ANKDD1B: variants seen among roughly 807,000 people sequenced by gnomAD.
ANKDD1B encodes the protein ankyrin repeat and death domain containing 1B.
Under a neutral mutation model 59.7 loss-of-function variants are expected in ANKDD1B, and 57 were observed. The ratio of observed to expected loss-of-function variants is 0.95; its 90% CI spans 0.77 to 1.19. The LOEUF (loss-of-function observed/expected upper bound fraction) is 1.19, where lower values mean the gene tolerates loss of function less well. Among genes scored for constraint, ANKDD1B ranks in the 50% most tolerant of loss-of-function variants. The pLI, the probability that ANKDD1B is intolerant of heterozygous loss-of-function variation, is 0.00. For synonymous variants in ANKDD1B, 216 were observed against 239.5 expected, an observed-to-expected ratio of 0.90 and a Z score of 0.91; for missense variants, 602 against 641.9, an observed-to-expected ratio of 0.94 and a Z score of 0.67.
intron 5 of ANKDD1B, among the ~76,000 whole-genome samples, chr5:75,626,563 G>A (rs959138554): frequency 2.0e-5 from 3 of 152,096 alleles, no homozygotes; most frequent in Non-Finnish European, 4.4e-5. Flanking sequence ...ATCCTATAAG[G>A]TAGAAAATAT....
At chr5:75,641,675 T>A (rs1774464748) in intron 7 of ANKDD1B, among the ~76,000 whole-genome samples, 1 of 152,236 alleles carries the variant, frequency 6.6e-6, no homozygotes, top group African/African-American at 2.4e-5. Flanking sequence ...ACAATTTCTT[T>A]TCAACAAGTA....
At chr5:75,614,396 A>G (rs930480447) in intron 1 of ANKDD1B, among the ~76,000 whole-genome samples, 1 of 152,202 alleles carries the variant, frequency 6.6e-6, no homozygotes, top group East Asian at 1.9e-4. Context: ...CCTTTGCTCC[A>G]GAGGAAGATA....
chr5:75,661,899 A>ATTTTTTTT (rs35120763), intron 10 of ANKDD1B, among the ~76,000 whole-genome samples: 2 of 92,802 alleles, frequency 2.2e-5, no homozygotes, highest in African/African-American at 4.1e-5. Context: ...GGCTCCCACA[A>ATTTTTTTT]TTTTTTTTTT....
chr5:75,641,677 C>G (rs1015725934), intron 7 of ANKDD1B, among the ~76,000 whole-genome samples: 2 of 152,126 alleles, frequency 1.3e-5, no homozygotes, highest in African/African-American at 4.8e-5. Flanking sequence ...AATTTCTTTT[C>G]AACAAGTACA....
intron 2 of ANKDD1B, among the ~76,000 whole-genome samples, chr5:75,618,723 T>C (rs1267222011): frequency 6.6e-6 from 1 of 152,182 alleles, no homozygotes; most frequent in East Asian, 1.9e-4. Flanking sequence ...GACAAAGTCA[T>C]AATAACTGAT....
chr5:75,625,689 C>G lies in ANKDD1B; in HGVS notation c.439C>G (p.Leu147Val). The G allele has an allele frequency of 6.5e-7, 1 of 1,536,466 alleles. No homozygotes were observed. The highest frequency in any genetic ancestry group is 1.2e-5 in the South Asian group (1 of 84,056). ...TCACCTTGCAGCCTGGTCTGGGAGCCTTGAGGTCATGCTCATGCTGGTTAA... is the reference window on the plus strand; with the variant it reads ...TCACCTTGCAGCCTGGTCTGGGAGCGTTGAGGTCATGCTCATGCTGGTTAA... ...VIHLAAWSGS[L>V]EVMLMLVKAG... is the part of the protein sequence containing the mutation. The change falls in exon 4 of 14, where the codon CTT (leucine) becomes GTT (valine). Residue 147 changes from leucine to valine, a missense_variant. By Grantham distance (32) the Leu-to-Val change is conservative. Transcript: ENST00000601380.
chr5:75,633,712 G>A (rs1774225677), intron 5 of ANKDD1B, among the ~76,000 whole-genome samples: 1 of 152,128 alleles, frequency 6.6e-6, no homozygotes, highest in Admixed American at 6.6e-5. Context: ...ATTTTCTGTG[G>A]ATCTGTTATA....
At chr5:75,617,044 G>A (rs116260214) in intron 2 of ANKDD1B, 137 bp downstream of exon 2, 65 of 502,310 alleles carry the variant, frequency 1.3e-4, no homozygotes, top group African/African-American at 5.0e-4. Context: ...TGGTAATCCC[G>A]GGGTGTTTAA....
chr5:75,655,984 G>T, intron 8 of ANKDD1B, 45 bp from the exon 9 acceptor site: 1 of 877,102 alleles, frequency 1.1e-6, no homozygotes, highest in South Asian at 1.5e-5. Context: ...TTTGAATGTT[G>T]AAGCCAGAAC....
chr5:75,621,575 G>A lies in ANKDD1B; in HGVS notation c.396+1162G>A, dbSNP rs377619548. ...TGGTGGCAGAGACAGAGTGGACTGT[G>A]CTTACTTCGTTTTAACAAAAACCAT... On this transcript the variant is annotated intron_variant, in intron 3 of 13. Coordinates refer to ENST00000601380, the MANE Select transcript of ANKDD1B (RefSeq NM_001276713.2). Among the ~76,000 whole-genome samples, 27 of 152,190 alleles carry A rather than the reference G, an allele frequency of 1.8e-4. No homozygotes were observed. In the East Asian group the frequency reaches 4.1e-3, roughly 23 times the overall value.
At chr5:75,656,843 C>T (rs939644001) in intron 9 of ANKDD1B, among the ~76,000 whole-genome samples, 3 of 152,186 alleles carry the variant, frequency 2.0e-5, no homozygotes, top group Non-Finnish European at 1.5e-5. Flanking sequence ...GGTGCCCTTC[C>T]GGCTAGGGAG....
At chr5:75,618,745 T>C (rs2112955413) in intron 2 of ANKDD1B, among the ~76,000 whole-genome samples, 1 of 151,936 alleles carries the variant, frequency 6.6e-6, no homozygotes, top group East Asian at 1.9e-4. Context: ...GGTTTTTTTG[T>C]TTTGTTTTGT....
chr5:75,619,922 A>G (rs1413534386), intron 2 of ANKDD1B, among the ~76,000 whole-genome samples: 4 of 152,166 alleles, frequency 2.6e-5, no homozygotes, highest in African/African-American at 9.7e-5. Flanking sequence ...ATCTAGGAAA[A>G]TTTCCGCTAT....
intron 7 of ANKDD1B, among the ~76,000 whole-genome samples, chr5:75,648,253 T>TAAAAAAAAAAATTA (rs1774699797): frequency 2.7e-5 from 1 of 37,294 alleles, no homozygotes; most frequent in Non-Finnish European, 5.3e-5. Context: ...AAAGTATAAT[T>TAAAAAAAAAAATTA]AAAAAAAAAA....
At chr5:75,631,817 A>G (rs1365093600) in intron 5 of ANKDD1B, among the ~76,000 whole-genome samples, 1 of 152,178 alleles carries the variant, frequency 6.6e-6, no homozygotes, top group East Asian at 1.9e-4. Flanking sequence ...TAAAAGACTC[A>G]CTGGTGGGCT....
intron 5 of ANKDD1B, among the ~76,000 whole-genome samples, chr5:75,626,497 C>G (rs1166482908): frequency 6.6e-6 from 1 of 152,196 alleles, no homozygotes; most frequent in African/African-American, 2.4e-5. Flanking sequence ...TGGCACCTAC[C>G]AATGCTCAAC....
At chr5:75,663,570 C>T (rs185737795) in intron 11 of ANKDD1B, 81 bp downstream of exon 11, 1 of 1,119,936 alleles carries the variant, frequency 8.9e-7, no homozygotes, top group East Asian at 2.6e-5. Context: ...GGGGTCTGTG[C>T]CATTCTTTGC....
chr5:75,634,770 C>T (rs1416996640), intron 5 of ANKDD1B, 128 bp from the exon 6 acceptor site: 11 of 608,738 alleles, frequency 1.8e-5, no homozygotes, highest in Non-Finnish European at 3.2e-5. Context: ...GAGATAGCAT[C>T]ATCTTCCTCC....
chr5:75,661,391 C>A (rs1179893174), intron 10 of ANKDD1B, among the ~76,000 whole-genome samples: 2 of 103,834 alleles, frequency 1.9e-5, no homozygotes, highest in Non-Finnish European at 3.6e-5. Context: ...AGCGAAACTC[C>A]GTCTGAAAAA....
Sources: allele counts gnomAD v4.1 joint callset (sites outside exome capture counted in the v4.1 genomes callset), GRCh38; gene constraint gnomAD v4.1.1; transcripts MANE v1.5; gene names NCBI Gene and HGNC (gene_info 2026-07-23, HGNC 2026-07-21).